SQLE: variants seen among roughly 807,000 people sequenced by gnomAD.
SQLE encodes squalene epoxidase, also known as squalene monooxygenase.
In SQLE, 29 loss-of-function variants were observed where a neutral mutation model predicts 60.7. The ratio of observed to expected loss-of-function variants is 0.48; its 90% CI spans 0.36 to 0.65. The LOEUF is 0.65. Among genes scored for constraint, SQLE ranks in the 30% least tolerant of loss-of-function variants. SQLE has a pLI of 0.00. For synonymous variants in SQLE, 237 were observed against 246.8 expected, an observed-to-expected ratio of 0.96 and a Z score of 0.37; for missense variants, 605 against 684.1, an observed-to-expected ratio of 0.88 and a Z score of 1.29.
intron 3 of SQLE, 35 bp downstream of exon 3, chr8:125,005,740 G>T: frequency 6.8e-7 from 1 of 1,463,182 alleles, no homozygotes; most frequent in Non-Finnish European, 9.1e-7. Context: ...AATTACTAAA[G>T]AATCAATGCA....
chr8:125,011,586 G>A lies in SQLE; in HGVS notation c.1158G>A (p.Arg386=). The A allele has an allele frequency of 1.3e-6, 2 of 1,587,446 alleles. No individual in the cohort carries two copies. Among genetic ancestry groups the A allele is most frequent in the Non-Finnish European group, 1.7e-6 (2 of 1,165,224 alleles). Residue 386 remains arginine, a synonymous_variant, in exon 7 of 11, where the codon AGG becomes AGA. Coordinates refer to ENST00000265896, the MANE Select transcript of SQLE (RefSeq NM_003129.4). ...AAGCCACTGACAATTCTCATCTGAG[G>A]TCCATGCCAGCAAGCTTCCTTCCTC... is the stretch of plus-strand genomic sequence containing the variant. ...FLEATDNSHL[R]SMPASFLPPS... is the part of the protein sequence containing the mutation.
At chr8:125,018,016 A>G in intron 7 of SQLE, 43 bp from the exon 8 acceptor site, 1 of 1,600,494 alleles carries the variant, frequency 6.2e-7, no homozygotes, top group East Asian at 2.2e-5. Context: ...GTTTTGTCTC[A>G]AGGGATGCTC....
At chr8:125,010,932 C>T (rs1274643459) in intron 6 of SQLE, 2 of 148,430 alleles carry the variant, frequency 1.3e-5, no homozygotes, top group Admixed American at 6.8e-5. Context: ...GGCTTCTGCT[C>T]CTCTATTCCC....
At chr8:125,000,170 T>C in intron 1 of SQLE, 2 of 398,670 alleles carry the variant, frequency 5.0e-6, no homozygotes, top group South Asian at 3.8e-5. Flanking sequence ...TTTGAGGCAT[T>C]GGGCTCAAAG....
chr8:125,020,064 T>C (rs552435618), intron 9 of SQLE, among the ~76,000 whole-genome samples: 1 of 152,362 alleles, frequency 6.6e-6, no homozygotes, highest in South Asian at 2.1e-4. Flanking sequence ...TTCTGAGCTC[T>C]TCTTTCTAAG....
In SQLE at chr8:125,018,744, T is replaced by C. The variant is rs1032452057; in HGVS notation, c.1444+17T>C. The C allele has an allele frequency of 2.0e-6, 3 of 1,500,162 alleles. No individual in the cohort carries two copies. The highest frequency in any genetic ancestry group is 2.7e-6 in the Non-Finnish European group (3 of 1,097,820). 92.9% of individuals were successfully genotyped at this position (1,500,162 alleles called of 1,614,324 possible). ...CCACAGATGGTAAGTGTAGACACTTTTTAGTGAATATTACTCAATTGCAGA... is the reference window on the plus strand; with the variant it reads ...CCACAGATGGTAAGTGTAGACACTTCTTAGTGAATATTACTCAATTGCAGA... On this transcript the variant is annotated intron_variant, in intron 9 of 10. Coordinates refer to ENST00000265896, the MANE Select transcript of SQLE (RefSeq NM_003129.4).
chr8:125,008,888 T>G, intron 4 of SQLE, 83 bp from the exon 5 acceptor site: 2 of 919,972 alleles, frequency 2.2e-6, no homozygotes, highest in Non-Finnish European at 3.2e-6. Context: ...TATCTAAATC[T>G]CTTCACGCAC....
chr8:124,999,335 GAGAACC>G lies in SQLE; in HGVS notation c.-68_-63del. 7.1e-7 allele frequency: 1 copy of G among 1,405,730 alleles called. No individual in the cohort carries two copies. The allele number at this position is 1,405,730 out of a possible 1,614,324, so 87.1% of individuals were successfully genotyped here. A position where few individuals can be genotyped will look rare whatever the true frequency, so the allele number is the denominator to read the frequency against. On this transcript the variant is annotated 5_prime_UTR_variant, in exon 1 of 11. Transcript: ENST00000265896. ...GCTCCTCTTGGTACCTCATTTTGGG[GAGAACC>G]TTAAACCCACTCGAGCAGATAATCT...
intron 1 of SQLE, 89 bp downstream of exon 1, chr8:124,999,783 AGGC>A (rs1391213894): frequency 2.0e-5 from 28 of 1,432,978 alleles, no homozygotes; most frequent in Non-Finnish European, 2.5e-5. Flanking sequence ...GAATTGCAAA[AGGC>A]GGCAGGTTAG....
In SQLE at chr8:125,001,016, T is replaced by C. The variant is rs533322661; in HGVS notation, c.291+1322T>C. Among the ~76,000 whole-genome samples, 4 of 152,276 alleles carry C rather than the reference T, an allele frequency of 2.6e-5. No homozygotes were observed. In the South Asian group the frequency reaches 6.2e-4, roughly 24 times the overall value. On this transcript the variant is annotated intron_variant, in intron 1 of 10. Transcript: ENST00000265896. ...TACCTAGTCTATAACCGCCTGATAA[T>C]AGTAGCTGTTAATATTAGCCTAGGG...
intron 2 of SQLE, among the ~76,000 whole-genome samples, chr8:125,004,724 T>C (rs1814920290): frequency 6.6e-6 from 1 of 152,082 alleles, no homozygotes; most frequent in African/African-American, 2.4e-5. Flanking sequence ...CATGTATTAA[T>C]CTTTTGTTCT....
In SQLE at chr8:125,022,024, GCATA is replaced by G; in HGVS notation, c.*80_*83del. Reference sequence around the variant, plus strand: ...AGACTTTTGGAAGAGGATATATATAGCATAGTACCATACCACTTATAAAGTGGAA... The same window carrying G: ...AGACTTTTGGAAGAGGATATATATAGGTACCATACCACTTATAAAGTGGAA... On this transcript the variant is annotated 3_prime_UTR_variant, in exon 11 of 11. Coordinates refer to ENST00000265896, the MANE Select transcript of SQLE (RefSeq NM_003129.4). 2.9e-6 allele frequency: 3 copies of G among 1,033,450 alleles called. No homozygotes were observed. The highest frequency in any genetic ancestry group is 4.0e-6 in the Non-Finnish European group (3 of 758,856). 64.0% of individuals were successfully genotyped at this position (1,033,450 alleles called of 1,614,324 possible). A position where few individuals can be genotyped will look rare whatever the true frequency, so the allele number is the denominator to read the frequency against.
In SQLE at chr8:125,011,612, C is replaced by T; in HGVS notation, c.1184C>T (p.Pro395Leu). ...TCCATGCCAGCAAGCTTCCTTCCTCCTTCATCAGTGAAGAAACGAGGTATT... is the reference window on the plus strand; with the variant it reads ...TCCATGCCAGCAAGCTTCCTTCCTCTTTCATCAGTGAAGAAACGAGGTATT... ...LRSMPASFLP[P>L]SSVKKRGVLL... The change falls in exon 7 of 11, where the codon CCT (proline) becomes CTT (leucine). Residue 395 changes from proline to leucine, a missense_variant. Pro to Leu is a moderately conservative substitution (Grantham distance 98). Transcript: ENST00000265896. The T allele has an allele frequency of 6.3e-7, 1 of 1,580,444 alleles. No individual in the cohort carries two copies. The highest frequency in any genetic ancestry group is 8.6e-7 in the Non-Finnish European group (1 of 1,161,300).
At chr8:125,012,267 A>G (rs1241861834) in intron 7 of SQLE, among the ~76,000 whole-genome samples, 1 of 152,200 alleles carries the variant, frequency 6.6e-6, no homozygotes, top group Non-Finnish European at 1.5e-5. Context: ...AACTTTATTG[A>G]TATATAATTC....
chr8:125,010,595 T>C (rs1346531950), intron 6 of SQLE, among the ~76,000 whole-genome samples: 2 of 152,112 alleles, frequency 1.3e-5, no homozygotes. Flanking sequence ...GTGGGCAAAC[T>C]TAGATTTTAA....
At chr8:125,015,579 C>G (rs1815098256) in intron 7 of SQLE, among the ~76,000 whole-genome samples, 1 of 152,158 alleles carries the variant, frequency 6.6e-6, no homozygotes, top group African/African-American at 2.4e-5. Flanking sequence ...AGGAAGCTTG[C>G]AGGTCATATC....
At chr8:125,021,197 C>A (rs1339687356) in intron 10 of SQLE, among the ~76,000 whole-genome samples, 1 of 152,106 alleles carries the variant, frequency 6.6e-6, no homozygotes, top group Middle Eastern at 3.2e-3. Flanking sequence ...GAATTAGTTT[C>A]ATTGAAGTAC....
Position 125,005,532 on chromosome 8 carries a change from G to A in SQLE, c.552G>A (p.Val184=), listed in dbSNP as rs373769608. The A allele has an allele frequency of 1.0e-5, 16 of 1,594,140 alleles. No homozygotes were observed. Among genetic ancestry groups the A allele is most frequent in the Non-Finnish European group, 1.3e-5 (15 of 1,167,254 alleles). ...AACTCGATTGCTTTGCAGATACAGT[G>A]GAAGGTCTTGATGCCCAGGTTGTAA... is the stretch of plus-strand genomic sequence containing the variant. ...VLKDLGLGDT[V]EGLDAQVVNG... The change falls in exon 3 of 11, where the codon GTG becomes GTA. Residue 184 remains valine (V), a synonymous_variant. Transcript: ENST00000265896.
At chr8:125,003,115 G>A (rs1291387871) in intron 1 of SQLE, 61 bp from the exon 2 acceptor site, 26 of 1,487,596 alleles carry the variant, frequency 1.7e-5, no homozygotes, top group Admixed American at 7.1e-5. Context: ...TCCACATAGC[G>A]GTAGCATGAT....
Sources: gnomAD v4.1 joint callset for allele counts (sites outside exome capture counted in the v4.1 genomes callset) on GRCh38, gnomAD v4.1.1 for gene constraint, MANE v1.5 for transcripts, NCBI Gene and HGNC (gene_info 2026-07-23, HGNC 2026-07-21) for gene names.